The following SNTG2 variants were observed in gnomAD, a reference collection of about 807,000 sequenced individuals.
SNTG2 encodes syntrophin gamma 2.
SNTG2 carries 74 observed loss-of-function variants against 70.9 expected under a neutral mutation model. That is an observed-to-expected ratio of 1.04 (90% CI 0.86 to 1.27). The LOEUF (loss-of-function observed/expected upper bound fraction) is 1.27, where lower values mean the gene tolerates loss of function less well. Ranked by LOEUF, SNTG2 falls within the 50% of genes most tolerant of loss-of-function variation. The pLI, the probability that SNTG2 is intolerant of heterozygous loss-of-function variation, is 0.00. For synonymous variants in SNTG2, 278 were observed against 273.8 expected (o/e 1.02, Z -0.15); for missense variants, 717 against 690.7 (o/e 1.04, Z -0.43).
At chr2:1,178,631 G>C (rs868826072) in intron 8 of SNTG2, among the ~76,000 whole-genome samples, 61 of 151,906 alleles carry the variant, frequency 4.0e-4, no homozygotes, top group African/African-American at 1.0e-3. Flanking sequence ...GTTGAACCAG[G>C]CTTGCATCCC....
chr2:1,067,143 A>G (rs1340165618), intron 1 of SNTG2, among the ~76,000 whole-genome samples: 1 of 152,216 alleles, frequency 6.6e-6, no homozygotes, highest in Non-Finnish European at 1.5e-5. Flanking sequence ...AGCAAAAAAA[A>G]AAAAAAGTGA....
chr2:1,191,743 C>T (rs953650718), intron 8 of SNTG2, among the ~76,000 whole-genome samples: 3 of 152,214 alleles, frequency 2.0e-5, no homozygotes, highest in Non-Finnish European at 1.5e-5. Flanking sequence ...TGCAGTGAGC[C>T]GACATCGTGC....
intron 1 of SNTG2, among the ~76,000 whole-genome samples, chr2:1,012,579 G>A (rs1482750963): frequency 6.8e-6 from 1 of 146,424 alleles, no homozygotes; most frequent in African/African-American, 2.5e-5. Flanking sequence ...GTCTGGAGAA[G>A]GATTTATAAG....
chr2:1,354,664 G>A (rs1660748260), intron 16 of SNTG2, among the ~76,000 whole-genome samples: 1 of 44,504 alleles, frequency 2.2e-5, no homozygotes. Flanking sequence ...TTCCATGGGG[G>A]AAGTGGAAGA....
At chr2:1,155,809 G>C (rs913169320) in intron 6 of SNTG2, among the ~76,000 whole-genome samples, 1 of 152,168 alleles carries the variant, frequency 6.6e-6, no homozygotes, top group African/African-American at 2.4e-5. Context: ...TCTAACGTGG[G>C]AGGGGTGCAG....
intron 8 of SNTG2, among the ~76,000 whole-genome samples, chr2:1,176,433 T>C (rs1288138744): frequency 1.4e-5 from 1 of 73,710 alleles, no homozygotes; most frequent in African/African-American, 4.4e-5. Flanking sequence ...AACCTGCACA[T>C]GTACCCCTGA....
At chr2:1,253,356 A>C (rs1462561907) in intron 12 of SNTG2, among the ~76,000 whole-genome samples, 4 of 152,182 alleles carry the variant, frequency 2.6e-5, no homozygotes, top group Admixed American at 2.6e-4. Context: ...CATCCGTGTA[A>C]ATGTCCCTGA....
intron 1 of SNTG2, among the ~76,000 whole-genome samples, chr2:1,053,415 T>C (rs1662185951): frequency 6.6e-6 from 1 of 152,180 alleles, no homozygotes; most frequent in African/African-American, 2.4e-5. Context: ...TCTTAAAATC[T>C]AGCTACTCCA....
At chr2:981,373 C>A (rs979806563) in intron 1 of SNTG2, among the ~76,000 whole-genome samples, 3 of 152,116 alleles carry the variant, frequency 2.0e-5, no homozygotes, top group Non-Finnish European at 4.4e-5. Flanking sequence ...CATGCATGTA[C>A]ACACAAAAGT....
intron 1 of SNTG2, among the ~76,000 whole-genome samples, chr2:961,683 C>A (rs534132256): frequency 2.0e-5 from 3 of 152,004 alleles, no homozygotes; most frequent in African/African-American, 7.3e-5. Context: ...TCAGTTTTTC[C>A]GCTATTCTGA....
In SNTG2 at chr2:1,165,229, C is replaced by T. The variant is rs543609283; in HGVS notation, c.412-319C>T. ...GCTGTTTGTAGTAACAAACTGATTTCTCCGAGGGTATTATTTTCTGGTAGA... is the reference window on the plus strand; with the variant it reads ...GCTGTTTGTAGTAACAAACTGATTTTTCCGAGGGTATTATTTTCTGGTAGA... On this transcript the variant is annotated intron_variant, in intron 6 of 16. Transcript: ENST00000308624. Among the ~76,000 whole-genome samples the T allele has an allele frequency of 3.3e-5, 5 of 152,322 alleles. No individual in the cohort carries two copies. In the South Asian group the frequency reaches 8.3e-4, roughly 25 times the overall value.
chr2:1,316,909 C>G (rs1681309003), intron 16 of SNTG2, among the ~76,000 whole-genome samples: 1 of 125,266 alleles, frequency 8.0e-6, no homozygotes, highest in Non-Finnish European at 1.7e-5. Flanking sequence ...GATTCTGGAG[C>G]ATTGAGCATC....
chr2:1,195,962 TGAA>T (rs1672883497), intron 8 of SNTG2, among the ~76,000 whole-genome samples: 3 of 152,198 alleles, frequency 2.0e-5, no homozygotes, highest in Admixed American at 2.0e-4. Flanking sequence ...CAGCATACCA[TGAA>T]GAAGTTAACT....
At chr2:1,040,373 G>A (rs191924693) in intron 1 of SNTG2, among the ~76,000 whole-genome samples, 5 of 152,208 alleles carry the variant, frequency 3.3e-5, no homozygotes, top group East Asian at 1.9e-4. Context: ...ACCTCTCCTC[G>A]GATTCCGGCT....
rs1680706085 is a variant in SNTG2, at chr2:1,306,942, G to T, written c.1285-1552G>T. 3.3e-5 allele frequency among the ~76,000 whole-genome samples: 5 copies of T among 152,218 alleles called. No homozygotes were observed. The South Asian group carries it at 1.0e-3, about 32-fold the overall frequency. ...TGTGTAAGCCGCATGCTGTGTGAGA[G>T]CTGTAGGCTGTGTGGGTGTGAGCCG... is the stretch of plus-strand genomic sequence containing the variant. On this transcript the variant is annotated intron_variant, in intron 14 of 16. Transcript: ENST00000308624.
chr2:990,606 T>C (rs1467232681), intron 1 of SNTG2, among the ~76,000 whole-genome samples: 2 of 152,178 alleles, frequency 1.3e-5, no homozygotes, highest in Non-Finnish European at 2.9e-5. Flanking sequence ...AGATTAGAGC[T>C]TCAACATCAT....
chr2:1,227,562 C>T (rs892716207), intron 9 of SNTG2, among the ~76,000 whole-genome samples: 1 of 152,234 alleles, frequency 6.6e-6, no homozygotes, highest in South Asian at 2.1e-4. Context: ...CGTTTCCCCA[C>T]GGTATCCACC....
At chr2:1,198,633 A>G (rs1476816192) in intron 8 of SNTG2, among the ~76,000 whole-genome samples, 1 of 152,122 alleles carries the variant, frequency 6.6e-6, no homozygotes. Context: ...TTAGTAAGAT[A>G]AAATTGATAA....
chr2:1,053,360 C>T (rs1476409887), intron 1 of SNTG2, among the ~76,000 whole-genome samples: 1 of 152,046 alleles, frequency 6.6e-6, no homozygotes, highest in Non-Finnish European at 1.5e-5. Flanking sequence ...ATCAATTTTA[C>T]ATTACTGAAA....
Sources: gnomAD v4.1 joint callset for allele counts (sites outside exome capture counted in the v4.1 genomes callset) on GRCh38, gnomAD v4.1.1 for gene constraint, MANE v1.5 for transcripts, NCBI Gene and HGNC (gene_info 2026-07-23, HGNC 2026-07-21) for gene names.